The following HACD4 variants were observed in gnomAD, a reference collection of about 807,000 sequenced individuals.
HACD4 encodes the protein 3-hydroxyacyl-CoA dehydratase 4, also known as very-long-chain (3R)-3-hydroxyacyl-CoA dehydratase 4.
HACD4 carries 35 observed loss-of-function variants against 33.3 expected under a neutral mutation model. That is an observed-to-expected ratio of 1.05 (90% CI 0.80 to 1.39). The LOEUF (loss-of-function observed/expected upper bound fraction) is 1.39, where lower values mean the gene tolerates loss of function less well. Among genes scored for constraint, HACD4 ranks in the 40% most tolerant of loss-of-function variants. The pLI, the probability that HACD4 is intolerant of heterozygous loss-of-function variation, is 0.00. For synonymous variants in HACD4, 118 were observed against 98.0 expected (o/e 1.20, Z -1.21); for missense variants, 323 against 276.5 (o/e 1.17, Z -1.19).
intron 4 of HACD4, among the ~76,000 whole-genome samples, chr9:21,012,160 C>T (rs1030153891): frequency 2.0e-5 from 3 of 152,142 alleles, no homozygotes; most frequent in Non-Finnish European, 4.4e-5. Flanking sequence ...AAAGAACTGG[C>T]CTTGGGAGCT....
rs1365801142 is a variant in HACD4, at chr9:21,005,385, G to C, written c.*1652C>G. 6.6e-6 allele frequency: 1 copy of C among 152,214 alleles called. No individual in the cohort carries two copies. Among genetic ancestry groups the C allele is most frequent in the Non-Finnish European group, 1.5e-5 (1 of 68,052 alleles). The allele number at this position is 152,214 out of a possible 1,614,324, so 9.4% of individuals were successfully genotyped here. A position where few individuals can be genotyped will look rare whatever the true frequency, so the allele number is the denominator to read the frequency against. On this transcript the variant is annotated 3_prime_UTR_variant, in exon 7 of 7. Coordinates refer to ENST00000495827, the MANE Select transcript of HACD4 (RefSeq NM_001010915.5). The surrounding 1 kb of genome is among the most constrained non-coding windows in gnomAD (Gnocchi z 4.0). ...AAACACGTTTGGTAGAGAACACTAAGAGTGTAGCAGACAAGTCATCCAATT... is the reference window on the plus strand; with the variant it reads ...AAACACGTTTGGTAGAGAACACTAACAGTGTAGCAGACAAGTCATCCAATT...
At chr9:21,026,838 ATGTG>A in intron 2 of HACD4, 115 bp from the exon 3 acceptor site, 1 of 826,230 alleles carries the variant, frequency 1.2e-6, no homozygotes, top group Admixed American at 2.5e-5. Context: ...TTCATTGTAC[ATGTG>A]AAAAATTCCT....
At position 21,003,725 on chromosome 9, in the gene HACD4, G is replaced by A. The variant is rs1034862836; in HGVS notation, c.*3312C>T. 1 of 151,918 alleles carries A rather than the reference G, an allele frequency of 6.6e-6. No individual in the cohort carries two copies. The highest frequency in any genetic ancestry group is 1.5e-5 in the Non-Finnish European group (1 of 67,936). The allele number at this position is 151,918 out of a possible 1,614,324, so 9.4% of individuals were successfully genotyped here. Reference sequence around the variant, plus strand: ...TCTTTATAATTCTTTACCAAAAATTGAGTGATACATCAATGATACAGCAAT... The same window carrying A: ...TCTTTATAATTCTTTACCAAAAATTAAGTGATACATCAATGATACAGCAAT... On this transcript the variant is annotated 3_prime_UTR_variant, in exon 7 of 7. Coordinates refer to ENST00000495827, the MANE Select transcript of HACD4 (RefSeq NM_001010915.5).
At chr9:21,026,914 T>C (rs1381228266) in intron 2 of HACD4, among the ~76,000 whole-genome samples, 191 bp from the exon 3 acceptor site, 1 of 152,224 alleles carries the variant, frequency 6.6e-6, no homozygotes, top group Non-Finnish European at 1.5e-5. Context: ...CATACTGTAG[T>C]CTATTTTAAT....
rs557175568 is a variant in HACD4, at chr9:21,007,124, T to C, written c.617-5A>G. 2.8e-6 allele frequency: 4 copies of C among 1,425,810 alleles called. No homozygotes were observed. Among genetic ancestry groups the C allele is most frequent in the Middle Eastern group, 1.8e-4 (1 of 5,672 alleles). The allele number at this position is 1,425,810 out of a possible 1,614,324, so 88.3% of individuals were successfully genotyped here. On this transcript the variant is annotated splice_region_variant and splice_polypyrimidine_tract_variant and intron_variant, in intron 6 of 6. Coordinates refer to ENST00000495827, the MANE Select transcript of HACD4 (RefSeq NM_001010915.5). ...GACTGTAGGTAAAATACATACCTAA[T>C]ATGGAGAAAGAAGTTGCAAAAGTAA...
intron 3 of HACD4, among the ~76,000 whole-genome samples, chr9:21,016,352 C>CA (rs1842555211): frequency 6.6e-6 from 1 of 152,176 alleles, no homozygotes; most frequent in Non-Finnish European, 1.5e-5. Flanking sequence ...AATGAAAACA[C>CA]AGTCTTTGCT....
At chr9:21,010,322 T>G (rs769531398) in intron 5 of HACD4, among the ~76,000 whole-genome samples, 3 of 152,136 alleles carry the variant, frequency 2.0e-5, no homozygotes, top group African/African-American at 4.8e-5. Flanking sequence ...GATTTGATCT[T>G]AAGTTTTAGG....
chr9:21,014,078 A>G (rs966033897), intron 4 of HACD4, among the ~76,000 whole-genome samples: 2 of 152,170 alleles, frequency 1.3e-5, no homozygotes, highest in African/African-American at 4.8e-5. Context: ...GATTTTTCAT[A>G]GATGCTTTTT....
intron 2 of HACD4, among the ~76,000 whole-genome samples, chr9:21,027,785 T>C (rs1818100673): frequency 6.6e-6 from 1 of 152,172 alleles, no homozygotes; most frequent in Admixed American, 6.5e-5. Flanking sequence ...ACGAATCGGT[T>C]GTGTTTCTTT....
At chr9:21,021,912 G>C (rs1425360179) in intron 3 of HACD4, among the ~76,000 whole-genome samples, 1 of 151,972 alleles carries the variant, frequency 6.6e-6, no homozygotes. Context: ...AAAAGAGCCC[G>C]CATCACCAAG....
intron 3 of HACD4, among the ~76,000 whole-genome samples, chr9:21,019,102 T>C (rs1394186409): frequency 1.3e-5 from 2 of 152,128 alleles, no homozygotes; most frequent in African/African-American, 2.4e-5. Context: ...ATAAGACAAA[T>C]GCATTTAAAT....
chr9:21,018,809 G>A (rs1425141874), intron 3 of HACD4, among the ~76,000 whole-genome samples: 1 of 132,230 alleles, frequency 7.6e-6, no homozygotes, highest in East Asian at 2.8e-4. Context: ...TAAAAATGCT[G>A]GGCATTTTTA....
intron 3 of HACD4, among the ~76,000 whole-genome samples, chr9:21,025,819 C>A (rs936503500): frequency 4.6e-5 from 7 of 152,118 alleles, no homozygotes; most frequent in Non-Finnish European, 7.4e-5. Flanking sequence ...ATAATAGCTG[C>A]CGAGTATTGT....
rs1053583364 is a variant in HACD4, at chr9:21,025,820, C to A, written c.270+776G>T. 3.3e-5 allele frequency among the ~76,000 whole-genome samples: 5 copies of A among 152,224 alleles called. No individual in the cohort carries two copies. The South Asian group carries it at 8.3e-4, about 25-fold the overall frequency. ...TTAAGAAAATAGTAATAATAGCTGC[C>A]GAGTATTGTATTCTTAACTAAGTGC... On this transcript the variant is annotated intron_variant, in intron 3 of 6. Coordinates refer to ENST00000495827, the MANE Select transcript of HACD4 (RefSeq NM_001010915.5).
rs540809573 is a variant in HACD4 at position 21,002,171 on chromosome 9, C to T, written c.*4866G>A. On this transcript the variant is annotated 3_prime_UTR_variant, in exon 7 of 7. Transcript: ENST00000495827. ...GCTGGCATAAGTCCAAATTACCTTC[C>T]GGATATTAAATGTCACCCTATGGTA... 1.3e-5 allele frequency: 2 copies of T among 151,892 alleles called. No individual in the cohort carries two copies. Among genetic ancestry groups the T allele is most frequent in the African/African-American group, 4.8e-5 (2 of 41,344 alleles). 9.4% of individuals were successfully genotyped at this position (151,892 alleles called of 1,614,324 possible).
intron 2 of HACD4, among the ~76,000 whole-genome samples, chr9:21,028,257 T>C (rs1026463358): frequency 1.6e-4 from 25 of 152,178 alleles, no homozygotes; most frequent in African/African-American, 5.8e-4. Flanking sequence ...GTCCATGGCT[T>C]GTGTTGCCAA....
At chr9:21,025,023 A>G (rs1303704574) in intron 3 of HACD4, among the ~76,000 whole-genome samples, 4 of 152,168 alleles carry the variant, frequency 2.6e-5, no homozygotes, top group African/African-American at 4.8e-5. Flanking sequence ...ACACCAATAA[A>G]TCTTGCTCCC....
intron 2 of HACD4, among the ~76,000 whole-genome samples, chr9:21,028,871 G>C (rs1001781518): frequency 6.6e-6 from 1 of 152,150 alleles, no homozygotes; most frequent in South Asian, 2.1e-4. Flanking sequence ...TATAAAATTT[G>C]TATTTCACTT....
chr9:21,010,456 A>ACC lies in HACD4; in HGVS notation c.490+1131_490+1132dup, dbSNP rs57375934. Reference sequence around the variant, plus strand: ...AAGAAACAGACTCAGACATCCTGGTACCCCCCCCCCCCCCAGAGCTTACAG... The same window carrying ACC: ...AAGAAACAGACTCAGACATCCTGGTACCCCCCCCCCCCCCCCAGAGCTTACAG... On this transcript the variant is annotated intron_variant, in intron 5 of 6. Transcript: ENST00000495827. Among the ~76,000 whole-genome samples, 545 of 104,040 alleles carry ACC rather than the reference A, an allele frequency of 5.2e-3. 32 individuals carry two copies. Among genetic ancestry groups the ACC allele is most frequent in the South Asian group, 8.0e-3 (24 of 2,986 alleles). 68.3% of individuals were successfully genotyped at this position (104,040 alleles called of 152,430 possible).
Sources: allele counts gnomAD v4.1 joint callset (sites outside exome capture counted in the v4.1 genomes callset), GRCh38; gene constraint gnomAD v4.1.1; non-coding constraint Gnocchi (gnomAD v3.1); transcripts MANE v1.5; gene names NCBI Gene and HGNC (gene_info 2026-07-23, HGNC 2026-07-21).